Variants in CRTAP observed in about 807,000 individuals in gnomAD.
CRTAP encodes the protein cartilage associated protein.
CRTAP carries 33 observed loss-of-function variants against 42.7 expected under a neutral mutation model. The observed-to-expected ratio is 0.77, with a 90% CI of 0.59 to 1.03. The LOEUF (loss-of-function observed/expected upper bound fraction) is 1.03, where lower values mean the gene tolerates loss of function less well. Among genes scored for constraint, CRTAP ranks in the 50% least tolerant of loss-of-function variants. The pLI is 0.00. For synonymous variants in CRTAP, 243 were observed against 217.7 expected, an observed-to-expected ratio of 1.12 and a Z score of -1.02; for missense variants, 613 against 533.9, an observed-to-expected ratio of 1.15 and a Z score of -1.46.
intron 6 of CRTAP, among the ~76,000 whole-genome samples, chr3:33,136,122 T>G (rs2030413257): frequency 6.6e-6 from 1 of 152,232 alleles, no homozygotes; most frequent in African/African-American, 2.4e-5. Context: ...TTGCCTGTTG[T>G]GGACATTTCA....
intron 3 of CRTAP, among the ~76,000 whole-genome samples, chr3:33,128,929 G>A (rs959806576): frequency 1.1e-4 from 16 of 152,190 alleles, no homozygotes; most frequent in African/African-American, 3.4e-4. Context: ...CATTGGCCAC[G>A]ACTAGTCATA....
intron 1 of CRTAP, among the ~76,000 whole-genome samples, chr3:33,116,841 C>T (rs532487336): frequency 6.6e-6 from 1 of 152,130 alleles, no homozygotes; most frequent in Non-Finnish European, 1.5e-5. Flanking sequence ...CATGATGGCT[C>T]ATGCCTATAA....
chr3:33,139,778 T>C (rs2030524205), intron 6 of CRTAP, among the ~76,000 whole-genome samples: 1 of 152,182 alleles, frequency 6.6e-6, no homozygotes, highest in South Asian at 2.1e-4. Context: ...GCACCCGGCC[T>C]GAATGTTTTT....
intron 4 of CRTAP, 75 bp downstream of exon 4, chr3:33,130,142 T>C (rs1338153960): frequency 8.3e-6 from 12 of 1,438,498 alleles, no homozygotes; most frequent in Non-Finnish European, 1.2e-5. Context: ...TAATAACTCT[T>C]AGCTACGGTT....
intron 6 of CRTAP, 107 bp downstream of exon 6, chr3:33,134,372 G>A: frequency 1.3e-6 from 1 of 781,628 alleles, no homozygotes; most frequent in Non-Finnish European, 2.3e-6. Flanking sequence ...AGAAACAGAG[G>A]GGACCTTGAG....
chr3:33,127,823 T>G (rs1405808621), intron 3 of CRTAP, among the ~76,000 whole-genome samples: 1 of 151,996 alleles, frequency 6.6e-6, no homozygotes. Context: ...CTTGGCTCAC[T>G]GCAACCTCTG....
In CRTAP at chr3:33,114,038, C is replaced by T. The variant is rs1304426278; in HGVS notation, c.-40C>T. 1.4e-6 allele frequency: 2 copies of T among 1,400,840 alleles called. No homozygotes were observed. Among genetic ancestry groups the T allele is most frequent in the Non-Finnish European group, 1.9e-6 (2 of 1,067,438 alleles). The allele number at this position is 1,400,840 out of a possible 1,614,324, so 86.8% of individuals were successfully genotyped here. The stretch of plus-strand genomic sequence containing the variant: ...TCCTTTCCTTCTCCCTCCCCTTTTC[C>T]CTTCCTTCGTCCCTTCCTTCCTTCC... On this transcript the variant is annotated 5_prime_UTR_variant, in exon 1 of 7. Coordinates refer to ENST00000320954, the MANE Select transcript of CRTAP (RefSeq NM_006371.5).
chr3:33,125,478 T>C (rs561797749), intron 3 of CRTAP, among the ~76,000 whole-genome samples: 1 of 147,758 alleles, frequency 6.8e-6, no homozygotes, highest in African/African-American at 2.4e-5. Flanking sequence ...ATTAATCTCT[T>C]TCTACAAAGT....
intron 6 of CRTAP, among the ~76,000 whole-genome samples, chr3:33,142,171 T>C (rs1229659714): frequency 6.6e-6 from 1 of 152,168 alleles, no homozygotes; most frequent in Non-Finnish European, 1.5e-5. Context: ...ACACAGCATG[T>C]TGGCGGATCT....
At chr3:33,133,895 A>T (rs1161252226) in intron 5 of CRTAP, among the ~76,000 whole-genome samples, 1 of 152,104 alleles carries the variant, frequency 6.6e-6, no homozygotes, top group African/African-American at 2.4e-5. Context: ...TTGTATTTTC[A>T]TTGGGATTTC....
At chr3:33,121,165 T>C (rs1040207145) in intron 2 of CRTAP, among the ~76,000 whole-genome samples, 2 of 152,168 alleles carry the variant, frequency 1.3e-5, no homozygotes, top group Non-Finnish European at 2.9e-5. Context: ...TCCCAGCACT[T>C]TGGGAGGCCG....
chr3:33,114,194 C>T lies in CRTAP; in HGVS notation c.117C>T (p.Asp39=), dbSNP rs983853643. 2 of 1,593,432 alleles carry T rather than the reference C, an allele frequency of 1.3e-6. No individual in the cohort carries two copies. The highest frequency in any genetic ancestry group is 8.5e-7 in the Non-Finnish European group (1 of 1,176,384). ...ACAGCTTCCGCAGCTTCCCACGGGA[C>T]GAGCTGATGCCGCTCGAGTCGGCCT... ...ERYSFRSFPR[D]ELMPLESAYR... is the part of the protein sequence containing the mutation. Residue 39 remains aspartate (D), a synonymous_variant, in exon 1 of 7, where the codon GAC becomes GAT. Transcript: ENST00000320954.
rs1320186116 is a variant in CRTAP at position 33,142,670 on chromosome 3, T to G, written c.*222T>G. On this transcript the variant is annotated 3_prime_UTR_variant, in exon 7 of 7. Coordinates refer to ENST00000320954, the MANE Select transcript of CRTAP (RefSeq NM_006371.5). ...TCACACCTATCTTTCTCACCTTTTTTTTGAGATGGAGTCTCGCTCTCTTGC... is the reference window on the plus strand; with the variant it reads ...TCACACCTATCTTTCTCACCTTTTTGTTGAGATGGAGTCTCGCTCTCTTGC... The G allele has an allele frequency of 8.9e-5, 47 of 529,762 alleles. No individual in the cohort carries two copies. The Admixed American group carries it at 1.4e-3, about 16-fold the overall frequency. 32.8% of individuals were successfully genotyped at this position (529,762 alleles called of 1,614,324 possible). A position where few individuals can be genotyped will look rare whatever the true frequency, so the allele number is the denominator to read the frequency against.
chr3:33,119,399 G>A (rs1575514449), intron 1 of CRTAP, among the ~76,000 whole-genome samples: 1 of 152,246 alleles, frequency 6.6e-6, no homozygotes, highest in Non-Finnish European at 1.5e-5. Context: ...TAAAATGCGG[G>A]AAGACAGAAC....
intron 1 of CRTAP, among the ~76,000 whole-genome samples, chr3:33,117,684 G>A (rs748961170): frequency 1.4e-4 from 21 of 152,164 alleles, no homozygotes; most frequent in Middle Eastern, 3.2e-3. Context: ...CTGCCTCTGT[G>A]TCATGGCTGA....
Position 33,120,484 on chromosome 3 carries a change from G to C in CRTAP, c.612G>C (p.Lys204Asn), listed in dbSNP as rs1459596512. ...ACTACATTAAAGACCTGGAAACCAA[G>C]TCATATGAAGTATGTTTGGATTTTT... ...AEDYIKDLET[K>N]SYESLFIRAV... The change falls in exon 2 of 7, where the codon AAG (lysine) becomes AAC (asparagine). Residue 204 changes from lysine to asparagine, a missense_variant. Lys to Asn is a moderately conservative substitution (Grantham distance 94, BLOSUM62 0). Coordinates refer to ENST00000320954, the MANE Select transcript of CRTAP (RefSeq NM_006371.5). 2.5e-5 allele frequency: 40 copies of C among 1,609,790 alleles called. No homozygotes were observed. Among genetic ancestry groups the C allele is most frequent in the Non-Finnish European group, 3.2e-5 (38 of 1,177,360 alleles).
chr3:33,139,900 C>T (rs2030527133), intron 6 of CRTAP, among the ~76,000 whole-genome samples: 1 of 152,138 alleles, frequency 6.6e-6, no homozygotes. Flanking sequence ...TTTTTTGTGA[C>T]TAATATTACA....
At chr3:33,129,128 C>T (rs1410929213) in intron 3 of CRTAP, among the ~76,000 whole-genome samples, 2 of 152,156 alleles carry the variant, frequency 1.3e-5, no homozygotes, top group Admixed American at 6.6e-5. Context: ...TTATGTATGC[C>T]TGTGTCTAAA....
intron 3 of CRTAP, among the ~76,000 whole-genome samples, chr3:33,129,610 T>C (rs1230565199): frequency 1.4e-5 from 2 of 146,648 alleles, no homozygotes; most frequent in African/African-American, 2.5e-5. Context: ...CGATCTCGGC[T>C]CACTGCAAGC....
Sources: allele counts gnomAD v4.1 joint callset (sites outside exome capture counted in the v4.1 genomes callset), GRCh38; gene constraint gnomAD v4.1.1; transcripts MANE v1.5; gene names NCBI Gene and HGNC (gene_info 2026-07-23, HGNC 2026-07-21).